Variants in JMJD1C observed in about 807,000 individuals in gnomAD.
The protein encoded by JMJD1C is jumonji domain containing 1C.
In JMJD1C, 31 loss-of-function variants were observed where a neutral mutation model predicts 245.3. That is an observed-to-expected ratio of 0.13 (90% CI 0.09 to 0.17). The LOEUF (loss-of-function observed/expected upper bound fraction) is 0.17. Among genes scored for constraint, JMJD1C ranks in the 10% least tolerant of loss-of-function variants. The pLI, the probability that JMJD1C is intolerant of heterozygous loss-of-function variation, is 1.00. For synonymous variants in JMJD1C, 1,057 were observed against 1,017.4 expected, an observed-to-expected ratio of 1.04 and a Z score of -0.74; for missense variants, 2,691 against 3,000.2, an observed-to-expected ratio of 0.90 and a Z score of 2.41.
intron 3 of JMJD1C, among the ~76,000 whole-genome samples, chr10:63,249,360 T>TA (rs1315148724): frequency 1.3e-5 from 2 of 151,908 alleles, no homozygotes; most frequent in South Asian, 2.1e-4. Flanking sequence ...TGCTTAAAGA[T>TA]AGACAGTAGA....
chr10:63,280,442 C>T (rs966016357), intron 2 of JMJD1C, among the ~76,000 whole-genome samples: 4 of 151,856 alleles, frequency 2.6e-5, no homozygotes, highest in African/African-American at 9.7e-5. Context: ...CCCAGTTACT[C>T]GGGAGGCTGA....
chr10:63,248,374 A>G (rs1407659387), intron 3 of JMJD1C, among the ~76,000 whole-genome samples: 1 of 152,062 alleles, frequency 6.6e-6, no homozygotes, highest in Non-Finnish European at 1.5e-5. Context: ...TACAAAAATT[A>G]GCTGGGCGTG....
chr10:63,488,444 T>C (rs532106491), intron 1 of JMJD1C, among the ~76,000 whole-genome samples: 23 of 152,110 alleles, frequency 1.5e-4, no homozygotes, highest in Non-Finnish European at 2.4e-4. Context: ...ATATAAAACA[T>C]ACATTAGAGA....
chr10:63,181,843 C>G (rs1285264872), intron 22 of JMJD1C, among the ~76,000 whole-genome samples: 1 of 152,202 alleles, frequency 6.6e-6, no homozygotes, highest in African/African-American at 2.4e-5. Flanking sequence ...CATGGCATCA[C>G]AGGATTAGAA....
intron 2 of JMJD1C, among the ~76,000 whole-genome samples, chr10:63,288,321 T>TA (rs1858219952): frequency 6.6e-6 from 1 of 152,260 alleles, no homozygotes; most frequent in South Asian, 2.1e-4. Context: ...CATAGCTTAA[T>TA]AGCACATTTC....
intron 2 of JMJD1C, chr10:63,268,973 G>T (rs1352108474): frequency 3.1e-5 from 31 of 985,492 alleles, no homozygotes; most frequent in African/African-American, 8.7e-5. Context: ...CAGTGATGAG[G>T]ATTACAACTC....
chr10:63,179,990 ATTTTTTTC>A (rs1314422615), intron 22 of JMJD1C, among the ~76,000 whole-genome samples: 2 of 152,014 alleles, frequency 1.3e-5, no homozygotes, highest in African/African-American at 2.4e-5. Context: ...CTGCAAACAT[ATTTTTTTC>A]TTTTTTTCTT....
At chr10:63,264,488 T>C (rs190581766) in intron 3 of JMJD1C, among the ~76,000 whole-genome samples, 163 bp downstream of exon 3, 1 of 152,322 alleles carries the variant, frequency 6.6e-6, no homozygotes, top group Non-Finnish European at 1.5e-5. Flanking sequence ...AATTAATAAA[T>C]CGTTTATCCT....
At chr10:63,336,902 G>A (rs528027393) in intron 2 of JMJD1C, among the ~76,000 whole-genome samples, 11 of 152,112 alleles carry the variant, frequency 7.2e-5, no homozygotes, top group South Asian at 4.1e-4. Flanking sequence ...GTGCAGTTGC[G>A]TGATTTTGGC....
upstream of JMJD1C, among the ~76,000 whole-genome samples, chr10:63,469,975 C>T (rs1016619776): frequency 6.6e-6 from 1 of 152,084 alleles, no homozygotes; most frequent in African/African-American, 2.4e-5. Context: ...ATGAATTCCT[C>T]AATCACATTT....
intron 1 of JMJD1C, among the ~76,000 whole-genome samples, chr10:63,387,880 C>CT (rs1019745344): frequency 6.6e-6 from 1 of 151,894 alleles, no homozygotes; most frequent in African/African-American, 2.4e-5. Flanking sequence ...TGTGATCTGC[C>CT]TGTCTCAGCC....
chr10:63,443,428 A>G (rs898100816), intron 1 of JMJD1C, among the ~76,000 whole-genome samples: 4 of 152,244 alleles, frequency 2.6e-5, no homozygotes, highest in African/African-American at 9.6e-5. Flanking sequence ...CTCCAGCCTC[A>G]GCCTCCCGAG....
Position 63,217,273 on chromosome 10 carries a change from C to T in JMJD1C, c.612G>A (p.Gln204=), listed in dbSNP as rs992093298. ...GATGAGTAATTATGCCAGTAAACCA[C>T]TGGGTGGCAGAGTCTTGTCTATATA... is the stretch of plus-strand genomic sequence containing the variant. The part of the protein sequence containing the change: ...VRVYRQDSAT[Q]WFTGIITHHD... The change falls in exon 5 of 26, where the codon CAG becomes CAA. Residue 204 remains glutamine (Q), a synonymous_variant. Coordinates refer to ENST00000399262, the MANE Select transcript of JMJD1C (RefSeq NM_032776.3). 2.5e-5 allele frequency: 40 copies of T among 1,611,560 alleles called. No homozygotes were observed. The highest frequency in any genetic ancestry group is 3.3e-5 in the Non-Finnish European group (39 of 1,178,316).
chr10:63,278,623 C>T lies in JMJD1C; in HGVS notation c.334-13859G>A, dbSNP rs1478849930. On this transcript the variant is annotated intron_variant, in intron 2 of 25. Transcript: ENST00000399262. ...TGTGATCCCAGCACCTTTAGGAGGCCGAAGTCGGGAGTTCAAGACCAGCCT... is the reference window on the plus strand; with the variant it reads ...TGTGATCCCAGCACCTTTAGGAGGCTGAAGTCGGGAGTTCAAGACCAGCCT... Among the ~76,000 whole-genome samples, 11 of 151,558 alleles carry T rather than the reference C, an allele frequency of 7.3e-5. No homozygotes were observed. The East Asian group carries it at 1.2e-3, about 16-fold the overall frequency.
At chr10:63,501,218 T>C (rs1954550086) in intron 1 of JMJD1C, among the ~76,000 whole-genome samples, 1 of 152,222 alleles carries the variant, frequency 6.6e-6, no homozygotes, top group Non-Finnish European at 1.5e-5. Context: ...ATGCTATGAA[T>C]AGAGTTTACA....
chr10:63,493,371 C>T (rs1954241830), intron 1 of JMJD1C, among the ~76,000 whole-genome samples: 1 of 141,742 alleles, frequency 7.1e-6, no homozygotes. Context: ...AAGCGATTCT[C>T]CTGCCTCTGC....
At chr10:63,392,130 A>C (rs964462332) in intron 1 of JMJD1C, among the ~76,000 whole-genome samples, 4 of 152,228 alleles carry the variant, frequency 2.6e-5, no homozygotes, top group Non-Finnish European at 4.4e-5. Flanking sequence ...TGGAAAAAAC[A>C]ACCATTTTGA....
chr10:63,513,389 C>T (rs1371103931), intron 1 of JMJD1C, among the ~76,000 whole-genome samples: 1 of 152,184 alleles, frequency 6.6e-6, no homozygotes, highest in African/African-American at 2.4e-5. Flanking sequence ...ACTCTGGGCA[C>T]TGGCACCTTG....
chr10:63,354,366 G>C (rs181912388), intron 2 of JMJD1C, among the ~76,000 whole-genome samples: 81 of 152,034 alleles, frequency 5.3e-4, no homozygotes, highest in African/African-American at 1.9e-3. Flanking sequence ...TGAACATATT[G>C]CCTATTTAAT....
Sources: allele counts gnomAD v4.1 joint callset (sites outside exome capture counted in the v4.1 genomes callset), GRCh38; gene constraint gnomAD v4.1.1; transcripts MANE v1.5; gene names NCBI Gene and HGNC (gene_info 2026-07-23, HGNC 2026-07-21).